UNC13C: variants seen among roughly 807,000 people sequenced by gnomAD.
UNC13C encodes protein unc-13 homolog C.
In UNC13C, 174 loss-of-function variants were observed where a neutral mutation model predicts 245.4. The ratio of observed to expected loss-of-function variants is 0.71; its 90% CI spans 0.63 to 0.80. The LOEUF (loss-of-function observed/expected upper bound fraction) is 0.80. Ranked by LOEUF, UNC13C falls within the 30% of genes least tolerant of loss-of-function variation. The pLI is 0.00. For synonymous variants in UNC13C, 992 were observed against 895.1 expected, an observed-to-expected ratio of 1.11 and a Z score of -1.93; for missense variants, 2,829 against 2,602.9, an observed-to-expected ratio of 1.09 and a Z score of -1.89.
intron 19 of UNC13C, among the ~76,000 whole-genome samples, chr15:54,450,416 C>T (rs991085942): frequency 6.6e-6 from 1 of 152,208 alleles, no homozygotes; most frequent in African/African-American, 2.4e-5. Flanking sequence ...TGGTGGGCTC[C>T]ACCCAGTTCC....
At chr15:54,138,897 A>G (rs2031866320) in intron 2 of UNC13C, among the ~76,000 whole-genome samples, 1 of 144,432 alleles carries the variant, frequency 6.9e-6, no homozygotes, top group Non-Finnish European at 1.5e-5. Context: ...TTGTGGAAGC[A>G]TCACTAATCT....
chr15:54,586,306 A>G (rs1048236135), intron 30 of UNC13C, among the ~76,000 whole-genome samples: 4 of 152,228 alleles, frequency 2.6e-5, no homozygotes, highest in African/African-American at 9.6e-5. Context: ...AGATTGGGTA[A>G]CTTAAACAAG....
chr15:54,162,129 A>ATG (rs2033001853), intron 4 of UNC13C, among the ~76,000 whole-genome samples: 1 of 152,150 alleles, frequency 6.6e-6, no homozygotes, highest in Non-Finnish European at 1.5e-5. Context: ...ATTCATGTGC[A>ATG]TGTGTGTACG....
chr15:53,899,246 T>C, the UNC13C span, among the ~76,000 whole-genome samples: 6 of 152,192 alleles, frequency 3.9e-5, no homozygotes, highest in African/African-American at 1.2e-4. Context: ...AATTTGATTA[T>C]TGTGTATCCT....
chr15:54,234,224 G>A (rs887908883), intron 4 of UNC13C, among the ~76,000 whole-genome samples: 1 of 138,652 alleles, frequency 7.2e-6, no homozygotes, highest in African/African-American at 2.8e-5. Flanking sequence ...TATAAGTTTA[G>A]TACACTCCCA....
chr15:54,283,873 G>C (rs2037070458), intron 10 of UNC13C, among the ~76,000 whole-genome samples: 1 of 152,154 alleles, frequency 6.6e-6, no homozygotes, highest in Admixed American at 6.6e-5. Flanking sequence ...ATTTGAACTA[G>C]ACAGGTCTTT....
At chr15:54,616,746 C>A (rs906901664) in intron 30 of UNC13C, among the ~76,000 whole-genome samples, 4 of 151,882 alleles carry the variant, frequency 2.6e-5, no homozygotes, top group Admixed American at 6.6e-5. Context: ...TGAAGAAAAT[C>A]TTTTATAATG....
At chr15:53,876,020 G>C in the UNC13C span, among the ~76,000 whole-genome samples, 8 of 152,304 alleles carry the variant, frequency 5.3e-5, no homozygotes, top group Non-Finnish European at 1.0e-4. Flanking sequence ...GTGTTCTAAA[G>C]TGCTTTTGTT....
chr15:54,454,570 GA>G lies in UNC13C; in HGVS notation c.4933+39515del, dbSNP rs60702966. 1.1e-4 allele frequency among the ~76,000 whole-genome samples: 13 copies of G among 119,156 alleles called. No homozygotes were observed. The East Asian group carries it at 3.3e-3, about 30-fold the overall frequency. The allele number at this position is 119,156 out of a possible 152,430, so 78.2% of individuals were successfully genotyped here. A position where few individuals can be genotyped will look rare whatever the true frequency, so the allele number is the denominator to read the frequency against. On this transcript the variant is annotated intron_variant, in intron 19 of 32. Coordinates refer to ENST00000260323, the MANE Select transcript of UNC13C (RefSeq NM_001080534.3). ...TCCAGCCCAGGCAACAATAGTGGGG[GA>G]AAAAAAAAAAACAACAATAACTCCC...
the UNC13C span, among the ~76,000 whole-genome samples, chr15:53,935,256 A>G: frequency 1.3e-4 from 20 of 151,900 alleles, no homozygotes; most frequent in South Asian, 4.0e-3. Context: ...CCACCCACCC[A>G]CAGTAAGAAA....
chr15:54,442,922 G>A (rs965874267), intron 19 of UNC13C, among the ~76,000 whole-genome samples: 3 of 151,900 alleles, frequency 2.0e-5, no homozygotes, highest in Admixed American at 1.3e-4. Context: ...GGGTAATTCT[G>A]GCCCCATAGA....
the UNC13C span, among the ~76,000 whole-genome samples, chr15:53,873,365 G>T: frequency 7.2e-5 from 11 of 152,112 alleles, no homozygotes; most frequent in Admixed American, 7.2e-4. Flanking sequence ...CCCGCAGCTT[G>T]CTCCTGGAGT....
the UNC13C span, chr15:53,910,662 G>A: frequency 6.8e-6 from 1 of 146,684 alleles, no homozygotes; most frequent in Admixed American, 7.0e-5. Context: ...TAAAGCCAAG[G>A]GAGAGCAGGC....
At chr15:54,056,007 G>A (rs915185113) in intron 2 of UNC13C, among the ~76,000 whole-genome samples, 1 of 152,036 alleles carries the variant, frequency 6.6e-6, no homozygotes, top group Non-Finnish European at 1.5e-5. Flanking sequence ...CTGATTACAA[G>A]AGCATGTAAG....
the UNC13C span, among the ~76,000 whole-genome samples, chr15:53,879,971 G>GTGTATATA: frequency 6.6e-6 from 1 of 151,028 alleles, no homozygotes; most frequent in African/African-American, 2.4e-5. Flanking sequence ...GTGTGTGTGT[G>GTGTATATA]TATATACATA....
At chr15:54,005,849 C>A (rs540539401) in intron 1 of UNC13C, among the ~76,000 whole-genome samples, 1 of 152,050 alleles carries the variant, frequency 6.6e-6, no homozygotes, top group Admixed American at 6.5e-5. Context: ...AGAGGGTATA[C>A]AATCATTCAT....
At position 54,148,342 on chromosome 15, in the gene UNC13C, A is replaced by G. The variant is rs529861805; in HGVS notation, c.3071+4658A>G. ...TTCATCCAAAGTCCTGCACAATTCC[A>G]TTGTTTTTCTTAAATTTACCTTAAT... On this transcript the variant is annotated intron_variant, in intron 4 of 32. Transcript: ENST00000260323. Among the ~76,000 whole-genome samples the G allele has an allele frequency of 4.6e-5, 7 of 152,226 alleles. No homozygotes were observed. In the East Asian group the frequency reaches 1.2e-3, roughly 25 times the overall value.
chr15:54,615,752 G>A (rs905393441), intron 30 of UNC13C, among the ~76,000 whole-genome samples: 10 of 151,872 alleles, frequency 6.6e-5, no homozygotes, highest in East Asian at 3.9e-4. Context: ...AACAAGTAAT[G>A]GTGACTGGCC....
chr15:54,470,759 A>G (rs1892420019), intron 19 of UNC13C, among the ~76,000 whole-genome samples: 3 of 149,806 alleles, frequency 2.0e-5, no homozygotes, highest in Non-Finnish European at 3.0e-5. Flanking sequence ...TTATGCTTTG[A>G]TCTTTGTTGT....
Sources: allele counts gnomAD v4.1 joint callset (sites outside exome capture counted in the v4.1 genomes callset), GRCh38; gene constraint gnomAD v4.1.1; transcripts MANE v1.5; gene names NCBI Gene and HGNC (gene_info 2026-07-23, HGNC 2026-07-21).